Variants in OR7C1 observed in about 807,000 individuals in gnomAD.
OR7C1 encodes olfactory receptor 7C1.
For missense variants in OR7C1, 324 were observed against 383.3 expected, an observed-to-expected ratio of 0.85 and a Z score of 1.29; for synonymous variants, 152 against 160.7, an observed-to-expected ratio of 0.95 and a Z score of 0.41.
intron 1 of OR7C1, among the ~76,000 whole-genome samples, chr19:14,815,312 T>G (rs965624224): frequency 2.0e-5 from 3 of 152,218 alleles, no homozygotes; most frequent in Admixed American, 6.5e-5. Flanking sequence ...CATTTAAATG[T>G]TAAAGTCTCC....
intron 1 of OR7C1, among the ~76,000 whole-genome samples, chr19:14,817,287 G>C (rs537258999): frequency 6.6e-6 from 1 of 152,262 alleles, no homozygotes; most frequent in East Asian, 1.9e-4. Flanking sequence ...ATTCCATGGT[G>C]TATATGTACC....
intron 1 of OR7C1, among the ~76,000 whole-genome samples, chr19:14,817,193 C>A (rs1394881244): frequency 6.6e-6 from 1 of 152,178 alleles, no homozygotes; most frequent in Non-Finnish European, 1.5e-5. Flanking sequence ...TGGGACCCTT[C>A]AGCCCATTCC....
intron 1 of OR7C1, among the ~76,000 whole-genome samples, chr19:14,823,102 A>G (rs577065483): frequency 1.3e-5 from 2 of 152,166 alleles, no homozygotes; most frequent in South Asian, 2.1e-4. Flanking sequence ...CTTTCTGCCT[A>G]TATTTTATTC....
intron 1 of OR7C1, among the ~76,000 whole-genome samples, chr19:14,816,698 G>A (rs976628630): frequency 1.1e-4 from 16 of 152,168 alleles, no homozygotes; most frequent in African/African-American, 3.6e-4. Context: ...TTCACCTTGC[G>A]ATAATGTGAG....
intron 2 of OR7C1, among the ~76,000 whole-genome samples, chr19:14,804,274 T>G (rs1179840591): frequency 1.3e-5 from 2 of 152,170 alleles, no homozygotes; most frequent in African/African-American, 2.4e-5. Context: ...CTCCACTGTT[T>G]AAGGAAATCT....
At chr19:14,815,982 C>CAGTTAA (rs1429243490) in intron 1 of OR7C1, among the ~76,000 whole-genome samples, 2 of 152,162 alleles carry the variant, frequency 1.3e-5, no homozygotes, top group Middle Eastern at 3.4e-3. Context: ...CCACCATGCC[C>CAGTTAA]AGTTAATTTT....
intron 2 of OR7C1, among the ~76,000 whole-genome samples, chr19:14,805,251 G>A (rs757029522): frequency 2.4e-4 from 36 of 151,510 alleles, no homozygotes; most frequent in Non-Finnish European, 4.7e-4. Context: ...GAGTTCTTGG[G>A]GCTAGAGCTT....
chr19:14,825,246 A>G (rs562144277), intron 1 of OR7C1: 1 of 152,286 alleles, frequency 6.6e-6, no homozygotes, highest in South Asian at 2.1e-4. Flanking sequence ...TGTAAAATAC[A>G]TAGAAATAGA....
At chr19:14,825,397 ATAT>A in intron 1 of OR7C1, 1 of 152,200 alleles carries the variant, frequency 6.6e-6, no homozygotes, top group Non-Finnish European at 1.5e-5. Flanking sequence ...ATAGTTAAAA[ATAT>A]TATACTGTAC....
At chr19:14,821,994 T>A (rs781026809) in intron 1 of OR7C1, among the ~76,000 whole-genome samples, 1 of 152,232 alleles carries the variant, frequency 6.6e-6, no homozygotes, top group Non-Finnish European at 1.5e-5. Flanking sequence ...TTTAATGTAA[T>A]GTCCTCCAGG....
intron 1 of OR7C1, among the ~76,000 whole-genome samples, chr19:14,818,062 TTTTA>T (rs372783648): frequency 0.032 from 4,474 of 139,418 alleles, 164 homozygotes; most frequent in African/African-American, 0.091. Context: ...ATTTTATTTA[TTTTA>T]TTTATTTATT....
intron 1 of OR7C1, among the ~76,000 whole-genome samples, chr19:14,829,273 AG>A (rs767861654): frequency 6.6e-6 from 1 of 152,226 alleles, no homozygotes; most frequent in African/African-American, 2.4e-5. Context: ...GCGCAATCTC[AG>A]ATCACTGCAA....
At chr19:14,827,448 G>A (rs756216828) in intron 1 of OR7C1, 1 of 1,614,138 alleles carries the variant, frequency 6.2e-7, no homozygotes, top group South Asian at 1.1e-5. Context: ...TGAGTTGCGG[G>A]TGGCAGCAGA....
chr19:14,804,680 G>A (rs762036427), intron 2 of OR7C1, among the ~76,000 whole-genome samples: 12 of 151,932 alleles, frequency 7.9e-5, no homozygotes, highest in African/African-American at 2.4e-4. Context: ...ATAACGAGTC[G>A]CAGGGACTGG....
intron 1 of OR7C1, among the ~76,000 whole-genome samples, chr19:14,833,767 A>G (rs547376651): frequency 1.8e-4 from 27 of 152,322 alleles, no homozygotes; most frequent in African/African-American, 6.5e-4. Flanking sequence ...TATTTGCTCA[A>G]AGTCAGTAAT....
At position 14,832,412 on chromosome 19, in the gene OR7C1, CTCTT is replaced by C. The variant is rs902645434; in HGVS notation, c.-623+2658_-623+2661del. Among the ~76,000 whole-genome samples the C allele has an allele frequency of 2.7e-4, 37 of 138,472 alleles. No homozygotes were observed. The East Asian group carries it at 8.9e-3, about 33-fold the overall frequency. 90.8% of individuals were successfully genotyped at this position (138,472 alleles called of 152,430 possible). On this transcript the variant is annotated intron_variant, in intron 1 of 4. Transcript: ENST00000641666. Reference sequence around the variant, plus strand: ...CTCCCTCCCTTCCTTCCTTCTCTCTCTCTTTCTTTCTTTTTTCTTTTCTTTTTTT... The same window carrying C: ...CTCCCTCCCTTCCTTCCTTCTCTCTCTCTTTCTTTTTTCTTTTCTTTTTTT...
intron 1 of OR7C1, chr19:14,828,400 A>T (rs1328371813): frequency 1.3e-6 from 1 of 793,234 alleles, no homozygotes; most frequent in East Asian, 2.7e-5. Flanking sequence ...TCTCCATGTC[A>T]TCTCTGATTA....
At chr19:14,826,109 T>C (rs1266815178) in intron 1 of OR7C1, 2 of 152,140 alleles carry the variant, frequency 1.3e-5, no homozygotes, top group Non-Finnish European at 2.9e-5. Context: ...CAGGAATAAT[T>C]TGTGCACCTG....
At chr19:14,807,762 G>T (rs538239932) in intron 2 of OR7C1, among the ~76,000 whole-genome samples, 1 of 151,912 alleles carries the variant, frequency 6.6e-6, no homozygotes, top group Non-Finnish European at 1.5e-5. Context: ...TGGGCATAGT[G>T]GTGGGTGCCT....
Sources: allele counts gnomAD v4.1 joint callset (sites outside exome capture counted in the v4.1 genomes callset), GRCh38; gene constraint gnomAD v4.1.1; transcripts MANE v1.5; gene names NCBI Gene and HGNC (gene_info 2026-07-23, HGNC 2026-07-21).